Variants in PDE1C observed in about 807,000 individuals in gnomAD.
PDE1C encodes the protein phosphodiesterase 1C, also known as dual specificity calcium/calmodulin-dependent 3',5'-cyclic nucleotide phosphodiesterase 1C.
In PDE1C, 62 loss-of-function variants were observed where a neutral mutation model predicts 93.1. The observed-to-expected ratio is 0.67, with a 90% confidence interval of 0.54 to 0.82. PDE1C has a LOEUF of 0.82. Ranked by LOEUF, PDE1C falls within the 40% of genes least tolerant of loss-of-function variation. The pLI, the probability that PDE1C is intolerant of heterozygous loss-of-function variation, is 0.00. For synonymous variants in PDE1C, 325 were observed against 310.1 expected (o/e 1.05, Z -0.50); for missense variants, 742 against 884.6 (o/e 0.84, Z 2.04).
At chr7:31,667,240 C>T in the PDE1C span, among the ~76,000 whole-genome samples, 1 of 151,954 alleles carries the variant, frequency 6.6e-6, no homozygotes, top group Non-Finnish European at 1.5e-5. Flanking sequence ...AGGTTCAGGC[C>T]CAGAATCTGA....
chr7:32,341,246 G>C (rs1223943535), intron 1 of PDE1C, among the ~76,000 whole-genome samples: 2 of 122,882 alleles, frequency 1.6e-5, no homozygotes, highest in African/African-American at 5.7e-5. Context: ...CGCGATCTCG[G>C]CTCACTGCAA....
chr7:31,968,013 A>G (rs999731148), intron 2 of PDE1C, among the ~76,000 whole-genome samples: 1 of 152,170 alleles, frequency 6.6e-6, no homozygotes, highest in African/African-American at 2.4e-5. Context: ...TACTGAATGG[A>G]CAAAGACTGG....
Position 32,184,010 on chromosome 7 carries a change from T to A in PDE1C, c.137-14054A>T, listed in dbSNP as rs905103382. On this transcript the variant is annotated intron_variant, in intron 2 of 18. Transcript: ENST00000396193. ...AAGGATATGAACAGACACTTCTCAA[T>A]AGAAGACATTTATGCAGCCAAAAGA... Among the ~76,000 whole-genome samples the A allele has an allele frequency of 2.4e-3, 370 of 152,104 alleles. 2 individuals are homozygous for A. The highest frequency in any genetic ancestry group is 8.4e-3 in the African/African-American group (347 of 41,404).
the PDE1C span, chr7:31,642,590 C>T: frequency 1.1e-4 from 126 of 1,166,864 alleles, no homozygotes; most frequent in Non-Finnish European, 1.4e-4. Context: ...TCTCCTGACT[C>T]CTAAGGCAAT....
chr7:31,733,965 C>T, the PDE1C span, among the ~76,000 whole-genome samples: 4 of 152,092 alleles, frequency 2.6e-5, no homozygotes, highest in African/African-American at 9.7e-5. Context: ...GATCATGCCA[C>T]TGCAATCTAG....
chr7:31,979,862 G>C (rs570653994), intron 2 of PDE1C, among the ~76,000 whole-genome samples: 4 of 152,244 alleles, frequency 2.6e-5, no homozygotes, highest in South Asian at 4.1e-4. Flanking sequence ...AGCAGATGCT[G>C]GTATCCATCT....
intron 1 of PDE1C, among the ~76,000 whole-genome samples, chr7:32,293,972 T>C (rs535497695): frequency 6.6e-6 from 1 of 152,162 alleles, no homozygotes; most frequent in East Asian, 1.9e-4. Context: ...GTCAACCATA[T>C]GCCCCAGGGG....
the PDE1C span, among the ~76,000 whole-genome samples, chr7:31,704,943 C>T: frequency 6.6e-6 from 1 of 152,162 alleles, no homozygotes; most frequent in Non-Finnish European, 1.5e-5. Flanking sequence ...AACAAGAATG[C>T]AGTCGTGACA....
the PDE1C span, among the ~76,000 whole-genome samples, chr7:31,740,595 G>C: frequency 1.3e-5 from 2 of 152,154 alleles, no homozygotes; most frequent in African/African-American, 4.8e-5. Context: ...TACCCAAAGA[G>C]AGTTCAAAGA....
the PDE1C span, among the ~76,000 whole-genome samples, chr7:31,731,000 C>G: frequency 6.6e-6 from 1 of 151,908 alleles, no homozygotes; most frequent in Non-Finnish European, 1.5e-5. Flanking sequence ...GAGAGTCAAA[C>G]TAGAAAATTT....
rs1480268047 is a variant in PDE1C, at chr7:32,310,363, A to T, written c.311-100824T>A. Among the ~76,000 whole-genome samples, 5 of 152,188 alleles carry T rather than the reference A, an allele frequency of 3.3e-5. No homozygotes were observed. In the East Asian group the frequency reaches 9.6e-4, roughly 29 times the overall value. The stretch of plus-strand genomic sequence containing the variant: ...TCAATGAGACAGAAAGTTAGCAAGG[A>T]TACCCAAGAAATGACCTCAGCTCTG... On this transcript the variant is annotated intron_variant, in intron 1 of 1. Transcript: ENST00000672256.
intron 1 of PDE1C, among the ~76,000 whole-genome samples, chr7:32,315,734 G>A (rs780017755): frequency 2.0e-5 from 3 of 152,158 alleles, no homozygotes; most frequent in African/African-American, 4.8e-5. Flanking sequence ...GGTGGCTCAC[G>A]CCTGTAATCC....
At chr7:32,281,140 A>C (rs1036210100) in intron 1 of PDE1C, among the ~76,000 whole-genome samples, 3 of 152,230 alleles carry the variant, frequency 2.0e-5, no homozygotes. Flanking sequence ...TTATTACAAA[A>C]TGAATTTTAG....
chr7:32,083,781 C>G (rs1308202589), intron 3 of PDE1C, among the ~76,000 whole-genome samples: 1 of 152,014 alleles, frequency 6.6e-6, no homozygotes, highest in Non-Finnish European at 1.5e-5. Context: ...AAATAAAATA[C>G]TTTACAGACA....
At chr7:32,056,368 AACACAC>A (rs375602478) in intron 1 of PDE1C, among the ~76,000 whole-genome samples, 1,266 of 119,256 alleles carry the variant, frequency 0.011, 18 homozygotes, top group African/African-American at 0.033. Context: ...CTCTCACTGA[AACACAC>A]ACACACACAC....
At chr7:31,633,614 A>G in the PDE1C span, among the ~76,000 whole-genome samples, 2 of 152,190 alleles carry the variant, frequency 1.3e-5, no homozygotes, top group African/African-American at 4.8e-5. Flanking sequence ...TGTTTCACAT[A>G]TTTATGCCAC....
At chr7:32,394,748 A>G (rs984470869) in intron 1 of PDE1C, among the ~76,000 whole-genome samples, 1 of 152,218 alleles carries the variant, frequency 6.6e-6, no homozygotes, top group African/African-American at 2.4e-5. Context: ...CAGGAGGCTA[A>G]GACTGCAGTG....
At chr7:32,029,689 T>C (rs1167599666) in intron 2 of PDE1C, among the ~76,000 whole-genome samples, 3 of 152,090 alleles carry the variant, frequency 2.0e-5, no homozygotes, top group Admixed American at 1.3e-4. Context: ...CCACATTCAA[T>C]GACTTTCACC....
In PDE1C at chr7:32,087,865, G is replaced by T. The variant is rs148348634; in HGVS notation, c.308+81920C>A. Among the ~76,000 whole-genome samples, 6 of 150,948 alleles carry T rather than the reference G, an allele frequency of 4.0e-5. No homozygotes were observed. In the South Asian group the frequency reaches 8.4e-4, roughly 21 times the overall value. ...AGGGACTGTTGTGGGGTGGTGGGAG[G>T]GGGGAGGGATAGCATTAGGAGATAT... is the stretch of plus-strand genomic sequence containing the variant. On this transcript the variant is annotated intron_variant, in intron 3 of 18. Coordinates refer to the PDE1C transcript ENST00000396193.
Sources: gnomAD v4.1 joint callset for allele counts (sites outside exome capture counted in the v4.1 genomes callset) on GRCh38, gnomAD v4.1.1 for gene constraint, MANE v1.5 for transcripts, NCBI Gene and HGNC (gene_info 2026-07-23, HGNC 2026-07-21) for gene names.